The following ZNRF2 variants were observed in gnomAD, a reference collection of about 807,000 sequenced individuals.
ZNRF2 encodes the protein E3 ubiquitin-protein ligase ZNRF2.
A neutral mutation model predicts 20.4 loss-of-function variants in ZNRF2; 16 were observed. The observed-to-expected ratio is 0.79, with a 90% confidence interval of 0.53 to 1.19. The LOEUF is 1.19. ZNRF2 is among the 50% of genes most tolerant of loss of function. The pLI is 0.00. For synonymous variants in ZNRF2, 178 were observed against 144.9 expected (o/e 1.23, Z -1.64); for missense variants, 363 against 332.4 (o/e 1.09, Z -0.72).
chr7:30,343,682 T>G (rs1241747679), intron 2 of ZNRF2, among the ~76,000 whole-genome samples: 2 of 144,576 alleles, frequency 1.4e-5, no homozygotes. Context: ...ATTTGCCTGA[T>G]AAGTTTTTTT....
intron 1 of ZNRF2, among the ~76,000 whole-genome samples, chr7:30,295,048 AGAGTGTGTGTGTGT>A (rs1245586162): frequency 5.6e-4 from 44 of 79,098 alleles, no homozygotes; most frequent in East Asian, 1.2e-3. Flanking sequence ...AGAGAGAGAG[AGAGTGTGTGTGTGT>A]GTGTGTGTGT....
intron 2 of ZNRF2, among the ~76,000 whole-genome samples, chr7:30,350,008 A>C (rs1286657217): frequency 1.3e-5 from 2 of 152,112 alleles, no homozygotes; most frequent in African/African-American, 2.4e-5. Context: ...ATAACTTGGT[A>C]ATCTAATAAT....
At chr7:30,331,254 T>C (rs148836322) in intron 2 of ZNRF2, among the ~76,000 whole-genome samples, 21 of 152,110 alleles carry the variant, frequency 1.4e-4, no homozygotes, top group South Asian at 1.0e-3. Flanking sequence ...TAAGCAGATA[T>C]GAGAATTATT....
intron 1 of ZNRF2, among the ~76,000 whole-genome samples, chr7:30,300,376 T>C (rs1280276342): frequency 6.6e-6 from 1 of 151,958 alleles, no homozygotes; most frequent in East Asian, 1.9e-4. Context: ...CTTGGTCTCT[T>C]GACCTCGTGA....
intron 4 of ZNRF2, among the ~76,000 whole-genome samples, chr7:30,365,147 CTTTTTTTTT>C (rs533354831): frequency 0.16 from 11,323 of 71,146 alleles, 846 homozygotes; most frequent in Non-Finnish European, 0.2. Context: ...AGCTGATAAG[CTTTTTTTTT>C]TTTTTTTTTT....
At chr7:30,341,018 T>G (rs1799787539) in intron 2 of ZNRF2, among the ~76,000 whole-genome samples, 1 of 152,228 alleles carries the variant, frequency 6.6e-6, no homozygotes. Flanking sequence ...ATTTTCTAGT[T>G]TATTTGCATA....
chr7:30,334,341 C>T (rs1339022376), intron 2 of ZNRF2, among the ~76,000 whole-genome samples: 1 of 152,088 alleles, frequency 6.6e-6, no homozygotes, highest in East Asian at 1.9e-4. Context: ...CTAGTCTTTT[C>T]CATTGGTCTT....
chr7:30,312,151 A>AC, intron 1 of ZNRF2, among the ~76,000 whole-genome samples: 1 of 152,060 alleles, frequency 6.6e-6, no homozygotes, highest in South Asian at 2.1e-4. Context: ...TAATTTAAAA[A>AC]CTTTTTTTCC....
intron 1 of ZNRF2, 128 bp from the exon 2 acceptor site, chr7:30,323,514 A>C (rs1336730537): frequency 1.8e-6 from 1 of 542,058 alleles, no homozygotes; most frequent in Non-Finnish European, 3.2e-6. Flanking sequence ...CTTGAGTTGC[A>C]CATAAACAGT....
chr7:30,347,148 C>T (rs1181685337), intron 2 of ZNRF2, among the ~76,000 whole-genome samples: 1 of 152,106 alleles, frequency 6.6e-6, no homozygotes, highest in Non-Finnish European at 1.5e-5. Context: ...CATATACTTA[C>T]ATAGTTAATG....
At chr7:30,334,154 T>C (rs1197434655) in intron 2 of ZNRF2, among the ~76,000 whole-genome samples, 2 of 152,162 alleles carry the variant, frequency 1.3e-5, no homozygotes. Context: ...TTAGTTCATC[T>C]TGCGTGAATT....
chr7:30,353,810 T>C (rs991135217), intron 2 of ZNRF2, among the ~76,000 whole-genome samples: 11 of 152,126 alleles, frequency 7.2e-5, no homozygotes, highest in Non-Finnish European at 1.2e-4. Context: ...TTAGGTTTGA[T>C]AAAAAGTGGT....
intron 3 of ZNRF2, among the ~76,000 whole-genome samples, chr7:30,356,859 C>T (rs1800048139): frequency 6.6e-6 from 1 of 152,012 alleles, no homozygotes; most frequent in Non-Finnish European, 1.5e-5. Context: ...GCGCCTGCCA[C>T]CATGCCCGGC....
At position 30,366,187 on chromosome 7, in the gene ZNRF2, C is replaced by G. The variant is rs1473816515; in HGVS notation, c.*175C>G. The G allele has an allele frequency of 6.6e-6, 1 of 152,540 alleles. No individual in the cohort carries two copies. The highest frequency in any genetic ancestry group is 1.9e-4 in the East Asian group (1 of 5,186). The allele number at this position is 152,540 out of a possible 1,614,324, so 9.4% of individuals were successfully genotyped here. A position where few individuals can be genotyped will look rare whatever the true frequency, so the allele number is the denominator to read the frequency against. On this transcript the variant is annotated 3_prime_UTR_variant, in exon 5 of 5. Transcript: ENST00000323037. ...ACAATCGTACTGGGGTAAAAAAACCCTGCTGAAGAGAGGACAGTGACCACA... is the reference window on the plus strand; with the variant it reads ...ACAATCGTACTGGGGTAAAAAAACCGTGCTGAAGAGAGGACAGTGACCACA...
At chr7:30,319,587 A>G (rs775300954) in intron 1 of ZNRF2, among the ~76,000 whole-genome samples, 5 of 152,300 alleles carry the variant, frequency 3.3e-5, no homozygotes, top group African/African-American at 1.2e-4. Context: ...ACACAGGGCC[A>G]TGTGCTGCAT....
chr7:30,292,753 G>A (rs1228124444), intron 1 of ZNRF2, among the ~76,000 whole-genome samples: 1 of 152,150 alleles, frequency 6.6e-6, no homozygotes, highest in Non-Finnish European at 1.5e-5. Flanking sequence ...CCTGAGGCAT[G>A]AGTGTACCTG....
intron 1 of ZNRF2, among the ~76,000 whole-genome samples, chr7:30,299,663 T>C (rs948280532): frequency 3.3e-5 from 5 of 152,222 alleles, no homozygotes; most frequent in Non-Finnish European, 5.9e-5. Flanking sequence ...CTGTTTTAAT[T>C]CATTTACATA....
chr7:30,289,957 C>T (rs1166133814), intron 1 of ZNRF2: 1 of 516,656 alleles, frequency 1.9e-6, no homozygotes. Context: ...TACCAAATAT[C>T]ATTAATGAGA....
At chr7:30,289,185 T>C (rs1197031968) in intron 1 of ZNRF2, among the ~76,000 whole-genome samples, 2 of 152,258 alleles carry the variant, frequency 1.3e-5, no homozygotes, top group East Asian at 1.9e-4. Flanking sequence ...GGCTTGCTCA[T>C]GAGTATTTCA....
Sources: gnomAD v4.1 joint callset for allele counts (sites outside exome capture counted in the v4.1 genomes callset) on GRCh38, gnomAD v4.1.1 for gene constraint, MANE v1.5 for transcripts, NCBI Gene and HGNC (gene_info 2026-07-23, HGNC 2026-07-21) for gene names.